PYGL: variants seen among roughly 807,000 people sequenced by gnomAD.
PYGL encodes glycogen phosphorylase L, also known as glycogen phosphorylase, liver form.
Under a neutral mutation model 100.1 loss-of-function variants are expected in PYGL, and 90 were observed. The observed-to-expected ratio is 0.90, with a 90% CI of 0.76 to 1.07. PYGL has a LOEUF of 1.07. PYGL is among the 50% of genes least tolerant of loss of function. The pLI is 0.00. For missense variants in PYGL, 1,016 were observed against 1,057.6 expected (o/e 0.96, Z 0.55); for synonymous variants, 373 against 393.0 (o/e 0.95, Z 0.60).
chr14:50,905,779 C>T (rs1275647207), intron 19 of PYGL, among the ~76,000 whole-genome samples: 3 of 152,138 alleles, frequency 2.0e-5, no homozygotes, highest in African/African-American at 7.2e-5. Flanking sequence ...AGGTATTTTT[C>T]ACTCTAAGAG....
intron 4 of PYGL, 114 bp from the exon 5 acceptor site, chr14:50,924,214 C>G: frequency 7.8e-7 from 1 of 1,275,538 alleles, no homozygotes. Flanking sequence ...CTTATGAATA[C>G]TGAGTACTGT....
intron 6 of PYGL, 112 bp from the exon 7 acceptor site, chr14:50,920,735 A>T: frequency 8.1e-7 from 1 of 1,239,120 alleles, no homozygotes; most frequent in South Asian, 1.2e-5. Context: ...AAAATTCCTA[A>T]AAATCCCAAA....
chr14:50,931,474 G>A (rs1167156699), intron 4 of PYGL, among the ~76,000 whole-genome samples, 199 bp downstream of exon 4: 1 of 152,208 alleles, frequency 6.6e-6, no homozygotes, highest in Non-Finnish European at 1.5e-5. Context: ...CTGGTGATGA[G>A]TGATACTGGA....
rs759235798 is a variant in PYGL at position 50,924,079 on chromosome 14, G to A, written c.550C>T (p.Leu184Phe). 1 of 1,613,670 alleles carries A rather than the reference G, an allele frequency of 6.2e-7. No homozygotes were observed. The highest frequency in any genetic ancestry group is 1.3e-5 in the African/African-American group (1 of 74,886). The change falls in exon 5 of 20, where the codon CTC (leucine) becomes TTC (phenylalanine). Residue 184 changes from leucine (L) to phenylalanine (F), a missense_variant. Physicochemically the swap from Leu to Phe is conservative, Grantham distance 22. Transcript: ENST00000216392. ...GWQVEEADDW[L>F]RYGNPWEKSR... The stretch of plus-strand genomic sequence containing the variant: ...TTCTCCCAAGGGTTTCCATATCTGA[G>A]CCAATCATCTGCTTCTTCTACCTGC...
At chr14:50,916,287 T>C (rs566826029) in intron 9 of PYGL, among the ~76,000 whole-genome samples, 7 of 152,364 alleles carry the variant, frequency 4.6e-5, no homozygotes, top group East Asian at 1.9e-4. Context: ...TCTCAGCAAG[T>C]ACAAAGTATG....
intron 3 of PYGL, among the ~76,000 whole-genome samples, chr14:50,933,213 G>C (rs1455061833): frequency 6.6e-6 from 1 of 152,236 alleles, no homozygotes; most frequent in Non-Finnish European, 1.5e-5. Context: ...AAGGTAGGCA[G>C]GCTGGTTCTT....
chr14:50,927,133 C>T (rs1391126841), intron 4 of PYGL, among the ~76,000 whole-genome samples: 2 of 152,172 alleles, frequency 1.3e-5, no homozygotes, highest in Non-Finnish European at 2.9e-5. Flanking sequence ...GCCTGAAATG[C>T]TCAGATAAGA....
At chr14:50,942,590 G>C (rs139287287) in intron 1 of PYGL, among the ~76,000 whole-genome samples, 4,858 of 140,106 alleles carry the variant, frequency 0.035, 1,047 homozygotes, top group East Asian at 0.13. Flanking sequence ...GGGAGGCCAA[G>C]GAAGGAGGAT....
At position 50,911,830 on chromosome 14, in the gene PYGL, C is replaced by G. The variant is rs745556673; in HGVS notation, c.1869G>C (p.Leu623=). The G allele has an allele frequency of 6.2e-7, 1 of 1,613,724 alleles. No individual in the cohort carries two copies. Among genetic ancestry groups the G allele is most frequent in the East Asian group, 2.2e-5 (1 of 44,852 alleles). Residue 623 remains leucine, a synonymous_variant, in exon 16 of 20, where the codon CTG becomes CTC. Coordinates refer to ENST00000216392, the MANE Select transcript of PYGL (RefSeq NM_002863.5). Reference sequence around the variant, plus strand: ...TCACCACATCTGCCACTGAAGTGATCAGCTTTATGATCATTTTGGCCATGT... The same window carrying G: ...TCACCACATCTGCCACTGAAGTGATGAGCTTTATGATCATTTTGGCCATGT... The part of the protein sequence containing the change: ...GYHMAKMIIK[L]ITSVADVVNN...
At chr14:50,936,740 G>A (rs1013206213) in intron 2 of PYGL, among the ~76,000 whole-genome samples, 3 of 151,712 alleles carry the variant, frequency 2.0e-5, no homozygotes, top group African/African-American at 7.3e-5. Context: ...GCAGGGAGCT[G>A]AGATCGTGCC....
chr14:50,911,498 C>A (rs1268770921), intron 16 of PYGL, among the ~76,000 whole-genome samples: 1 of 152,186 alleles, frequency 6.6e-6, no homozygotes, highest in Non-Finnish European at 1.5e-5. Flanking sequence ...CTCTCACTGG[C>A]TTGGAAGAAA....
chr14:50,916,527 G>A, intron 9 of PYGL, 115 bp downstream of exon 9: 3 of 963,302 alleles, frequency 3.1e-6, no homozygotes, highest in Non-Finnish European at 5.0e-6. Context: ...ACCTTTAACT[G>A]TTGAAAGTTA....
chr14:50,909,164 A>G (rs2050365683), intron 17 of PYGL, among the ~76,000 whole-genome samples: 1 of 152,252 alleles, frequency 6.6e-6, no homozygotes, highest in South Asian at 2.1e-4. Flanking sequence ...CCTTATAACC[A>G]AAGACACTAA....
intron 7 of PYGL, among the ~76,000 whole-genome samples, chr14:50,920,002 T>A (rs112536273): frequency 1.7e-4 from 26 of 151,786 alleles, no homozygotes; most frequent in Middle Eastern, 3.4e-3. Flanking sequence ...TTTTTTTTTT[T>A]AACTAAGCTA....
intron 1 of PYGL, among the ~76,000 whole-genome samples, chr14:50,938,985 C>T (rs931148011): frequency 6.6e-5 from 10 of 152,172 alleles, no homozygotes; most frequent in African/African-American, 2.2e-4. Context: ...AAATATTCCT[C>T]CTTGGCTGAT....
At chr14:50,921,742 T>G (rs1178460687) in intron 5 of PYGL, among the ~76,000 whole-genome samples, 1 of 152,184 alleles carries the variant, frequency 6.6e-6, no homozygotes, top group Non-Finnish European at 1.5e-5. Flanking sequence ...AAATATGATA[T>G]GCAAACAAAG....
intron 3 of PYGL, among the ~76,000 whole-genome samples, chr14:50,932,860 G>T (rs908573056): frequency 2.6e-5 from 4 of 152,188 alleles, no homozygotes; most frequent in South Asian, 2.1e-4. Context: ...AACAGAAAGG[G>T]ATTGAATGAG....
intron 19 of PYGL, among the ~76,000 whole-genome samples, 200 bp from the exon 20 acceptor site, chr14:50,905,756 A>G (rs191939770): frequency 3.3e-4 from 50 of 152,364 alleles, no homozygotes; most frequent in Admixed American, 3.1e-3. Flanking sequence ...TAATTCTCTT[A>G]GGAATGAAAA....
Position 50,912,301 on chromosome 14 carries a change from C to T in PYGL, c.1623G>A (p.Glu541=). 6.2e-7 allele frequency: 1 copy of T among 1,613,954 alleles called. No individual in the cohort carries two copies. The highest frequency in any genetic ancestry group is 8.5e-7 in the Non-Finnish European group (1 of 1,179,900). The part of the protein sequence containing the change: ...FLRELAKVKQ[E]NKLKFSQFLE... ...GGAACTGAGAAAACTTCAGCTTATT[C>T]TCCTGTTAAGACAGTGCATGGTGCC... is the stretch of plus-strand genomic sequence containing the variant. The change falls in exon 14 of 20, where the codon GAG becomes GAA. Residue 541 remains glutamate (E), a splice_region_variant and synonymous_variant. Transcript: ENST00000216392.
Sources: gnomAD v4.1 joint callset for allele counts (sites outside exome capture counted in the v4.1 genomes callset) on GRCh38, gnomAD v4.1.1 for gene constraint, MANE v1.5 for transcripts, NCBI Gene and HGNC (gene_info 2026-07-23, HGNC 2026-07-21) for gene names.